Variants in CHRM3 observed in about 807,000 individuals in gnomAD.
The protein encoded by CHRM3 is cholinergic receptor muscarinic 3.
CHRM3 carries 11 observed loss-of-function variants against 41.8 expected under a neutral mutation model. The ratio of observed to expected loss-of-function variants is 0.26; its 90% CI spans 0.17 to 0.44. The LOEUF (loss-of-function observed/expected upper bound fraction) is 0.44. CHRM3 is among the 20% of genes least tolerant of loss of function. The probability of loss-of-function intolerance (pLI) is 1.00; values close to 1 mark genes in which losing one functional copy is unlikely to be tolerated. For missense variants in CHRM3, 571 were observed against 745.4 expected, an observed-to-expected ratio of 0.77 and a Z score of 2.72; for synonymous variants, 297 against 301.4, an observed-to-expected ratio of 0.99 and a Z score of 0.15.
At chr1:239,623,479 A>G (rs566219750) in intron 3 of CHRM3, among the ~76,000 whole-genome samples, 68 of 112,356 alleles carry the variant, frequency 6.1e-4, no homozygotes, top group African/African-American at 1.9e-3. Flanking sequence ...TCCATGGTGT[A>G]TAAGTTTTTT....
At chr1:239,546,948 G>A (rs1239544564) in intron 3 of CHRM3, among the ~76,000 whole-genome samples, 2 of 152,128 alleles carry the variant, frequency 1.3e-5, no homozygotes, top group Non-Finnish European at 2.9e-5. Context: ...CAGCTAGCTT[G>A]TTTAAAATGA....
At chr1:239,798,386 A>G (rs1362538383) in intron 5 of CHRM3, among the ~76,000 whole-genome samples, 1 of 152,086 alleles carries the variant, frequency 6.6e-6, no homozygotes, top group East Asian at 1.9e-4. Flanking sequence ...TTCAAGGTTC[A>G]ATTGTATATG....
At chr1:239,589,277 G>T (rs956604952) in intron 3 of CHRM3, among the ~76,000 whole-genome samples, 1 of 151,724 alleles carries the variant, frequency 6.6e-6, no homozygotes, top group African/African-American at 2.4e-5. Flanking sequence ...ATTAATTCTC[G>T]TGAATAGTTA....
At chr1:239,576,897 C>G (rs1423284166) in intron 3 of CHRM3, among the ~76,000 whole-genome samples, 1 of 152,142 alleles carries the variant, frequency 6.6e-6, no homozygotes, top group African/African-American at 2.4e-5. Context: ...ACTGTGCTAC[C>G]TGCAAGCACG....
At chr1:239,540,585 T>C (rs1196455197) in intron 2 of CHRM3, among the ~76,000 whole-genome samples, 1 of 152,200 alleles carries the variant, frequency 6.6e-6, no homozygotes, top group Non-Finnish European at 1.5e-5. Context: ...TAAATTTGAA[T>C]TCAAGGAAAT....
intron 5 of CHRM3, among the ~76,000 whole-genome samples, chr1:239,762,003 A>G (rs999254629): frequency 2.0e-5 from 3 of 152,158 alleles, no homozygotes; most frequent in African/African-American, 7.2e-5. Flanking sequence ...GTAGACTGGA[A>G]TGATCCTCGG....
At chr1:239,842,330 G>A (rs921887266) in intron 6 of CHRM3, among the ~76,000 whole-genome samples, 2 of 151,850 alleles carry the variant, frequency 1.3e-5, no homozygotes, top group Non-Finnish European at 2.9e-5. Flanking sequence ...CCGCCTCCCG[G>A]TTCAAGTGAT....
chr1:239,512,931 G>A (rs1669019411), intron 2 of CHRM3, among the ~76,000 whole-genome samples: 3 of 152,110 alleles, frequency 2.0e-5, no homozygotes, highest in Admixed American at 2.0e-4. Context: ...CTTGGGGCTG[G>A]TGGTTTGTCT....
In CHRM3 at chr1:239,641,721, T is replaced by C. The variant is rs889016907; in HGVS notation, c.-250+9435T>C. On this transcript the variant is annotated intron_variant, in intron 4 of 6. Transcript: ENST00000676153. ...TGCTGGGTCTTGACTCTTTATCCAA[T>C]TTGCCAGTCTGTGTCTTTTAATTGG... is the stretch of plus-strand genomic sequence containing the variant. Among the ~76,000 whole-genome samples, 680 of 143,244 alleles carry C rather than the reference T, an allele frequency of 4.7e-3. 14 individuals are homozygous for C. The highest frequency in any genetic ancestry group is 0.017 in the African/African-American group (648 of 37,698). 94.0% of individuals were successfully genotyped at this position (143,244 alleles called of 152,430 possible).
intron 2 of CHRM3, among the ~76,000 whole-genome samples, chr1:239,523,735 G>T (rs147464440): frequency 4.6e-5 from 7 of 152,072 alleles, no homozygotes; most frequent in Non-Finnish European, 8.8e-5. Flanking sequence ...TGGAACATAC[G>T]TGTCAGGAGG....
chr1:239,473,006 T>C (rs1194934915), intron 1 of CHRM3, among the ~76,000 whole-genome samples: 1 of 152,144 alleles, frequency 6.6e-6, no homozygotes, highest in African/African-American at 2.4e-5. Context: ...GAAATCTTGA[T>C]GTGTGACAAA....
At chr1:239,418,685 G>A (rs897955114) in intron 1 of CHRM3, among the ~76,000 whole-genome samples, 41 of 152,070 alleles carry the variant, frequency 2.7e-4, no homozygotes, top group African/African-American at 8.7e-4. Context: ...GAAAATCAAA[G>A]GAACTAAACA....
chr1:239,497,341 G>A (rs1449544075), intron 2 of CHRM3, among the ~76,000 whole-genome samples: 1 of 152,156 alleles, frequency 6.6e-6, no homozygotes, highest in African/African-American at 2.4e-5. Context: ...AGTAATAATG[G>A]CAGAGGGTGA....
intron 6 of CHRM3, among the ~76,000 whole-genome samples, chr1:239,881,915 T>G (rs749578847): frequency 1.3e-5 from 2 of 150,342 alleles, no homozygotes. Flanking sequence ...TTCTTTTTTG[T>G]TTTTTTTGAG....
chr1:239,816,339 C>CT (rs1464368209), intron 5 of CHRM3, among the ~76,000 whole-genome samples: 7 of 152,142 alleles, frequency 4.6e-5, no homozygotes, highest in African/African-American at 1.7e-4. Flanking sequence ...GGTGTTGCTC[C>CT]TTTTTTTGTT....
intron 4 of CHRM3, among the ~76,000 whole-genome samples, chr1:239,677,037 A>G (rs1658072918): frequency 6.6e-6 from 1 of 151,760 alleles, no homozygotes; most frequent in Non-Finnish European, 1.5e-5. Flanking sequence ...CTCCCTCCCC[A>G]TCCCATTTCC....
At chr1:239,406,770 T>G (rs1660628036) in intron 1 of CHRM3, among the ~76,000 whole-genome samples, 2 of 152,320 alleles carry the variant, frequency 1.3e-5, no homozygotes, top group South Asian at 4.1e-4. Flanking sequence ...CCAAGGTAGC[T>G]TGGCCAAGAT....
At chr1:239,861,052 A>T (rs139282386) in intron 6 of CHRM3, among the ~76,000 whole-genome samples, 1 of 152,188 alleles carries the variant, frequency 6.6e-6, no homozygotes, top group African/African-American at 2.4e-5. Flanking sequence ...AGGACTCAAA[A>T]TTAGAGACTT....
At chr1:239,766,710 T>TATAGATATAGATATAG (rs1177977195) in intron 5 of CHRM3, among the ~76,000 whole-genome samples, 9 of 151,542 alleles carry the variant, frequency 5.9e-5, no homozygotes, top group African/African-American at 2.2e-4. Context: ...TAGATATAGA[T>TATAGATATAGATATAG]ATAGATATAA....
Sources: gnomAD v4.1 joint callset for allele counts (sites outside exome capture counted in the v4.1 genomes callset) on GRCh38, gnomAD v4.1.1 for gene constraint, MANE v1.5 for transcripts, NCBI Gene and HGNC (gene_info 2026-07-23, HGNC 2026-07-21) for gene names.